Variants in NAV2 observed in about 807,000 individuals in gnomAD.
NAV2 encodes neuron navigator 2, also known as helicase, APC down-regulated 1.
NAV2 carries 54 observed loss-of-function variants against 223.2 expected under a neutral mutation model. The ratio of observed to expected loss-of-function variants is 0.24; its 90% CI spans 0.19 to 0.30. NAV2 has a LOEUF of 0.30. Ranked by LOEUF, NAV2 falls within the 10% of genes least tolerant of loss-of-function variation. The pLI is 1.00. For synonymous variants in NAV2, 1,279 were observed against 1,239.3 expected, an observed-to-expected ratio of 1.03 and a Z score of -0.67; for missense variants, 2,806 against 3,147.5, an observed-to-expected ratio of 0.89 and a Z score of 2.60.
chr11:19,615,751 A>G (rs913124483), intron 1 of NAV2, among the ~76,000 whole-genome samples: 3 of 152,208 alleles, frequency 2.0e-5, no homozygotes, highest in African/African-American at 7.2e-5. Context: ...TAATCGTAGC[A>G]GCCTCCATTT....
chr11:19,374,707 A>G (rs1057098926), intron 1 of NAV2, among the ~76,000 whole-genome samples: 20 of 152,156 alleles, frequency 1.3e-4, no homozygotes, highest in Non-Finnish European at 2.4e-4. Flanking sequence ...AGAAGCCTTT[A>G]CTGGAAATAT....
intron 1 of NAV2, among the ~76,000 whole-genome samples, chr11:19,583,412 A>G (rs1452908313): frequency 6.6e-6 from 1 of 152,108 alleles, no homozygotes; most frequent in African/African-American, 2.4e-5. Flanking sequence ...TTCCAACACT[A>G]TGTTGAATAG....
upstream of NAV2, among the ~76,000 whole-genome samples, chr11:19,348,704 G>T (rs924025037): frequency 6.6e-6 from 1 of 152,216 alleles, no homozygotes; most frequent in Non-Finnish European, 1.5e-5. Context: ...ATTATCATTT[G>T]ATCACCTATT....
At chr11:20,097,404 G>A (rs916954893) in intron 30 of NAV2, among the ~76,000 whole-genome samples, 173 bp from the exon 31 acceptor site, 1 of 151,906 alleles carries the variant, frequency 6.6e-6, no homozygotes, top group African/African-American at 2.4e-5. Context: ...TGTGGTACTC[G>A]GGCTTTATCC....
chr11:19,773,027 A>G (rs1371959562), intron 1 of NAV2, among the ~76,000 whole-genome samples: 3 of 152,208 alleles, frequency 2.0e-5, no homozygotes, highest in Non-Finnish European at 4.4e-5. Context: ...AGGTCCACTG[A>G]TGAGTAGCTC....
At position 19,933,940 on chromosome 11, in the gene NAV2, A is replaced by C; in HGVS notation, c.1696A>C (p.Lys566Gln). 1 of 1,595,224 alleles carries C rather than the reference A, an allele frequency of 6.3e-7. No individual in the cohort carries two copies. The change falls in exon 7 of 38, where the codon AAA becomes CAA. Residue 566 changes from lysine to glutamine, a missense_variant. Physicochemically the swap from Lys to Gln is moderately conservative, Grantham distance 53. Transcript: ENST00000349880. The surrounding 1 kb of genome is among the most constrained non-coding windows in gnomAD (Gnocchi z 4.3). ...GGCCCCTTCCCACAGTGGAATACCAAAACCAGGAATGAAAAGCATGCCCGG... is the reference window on the plus strand; with the variant it reads ...GGCCCCTTCCCACAGTGGAATACCACAACCAGGAATGAAAAGCATGCCCGG... ...PMAPSHSGIP[K>Q]PGMKSMPGKS...
chr11:19,671,390 C>A (rs947138406), intron 1 of NAV2, among the ~76,000 whole-genome samples: 1 of 152,146 alleles, frequency 6.6e-6, no homozygotes, highest in Non-Finnish European at 1.5e-5. Context: ...AGGAATATGT[C>A]TTGTTGATGG....
intron 1 of NAV2, among the ~76,000 whole-genome samples, chr11:19,452,621 T>A (rs1851828332): frequency 6.6e-6 from 1 of 152,258 alleles, no homozygotes; most frequent in Non-Finnish European, 1.5e-5. Context: ...CTGAATATCA[T>A]AGCTTAGCCT....
intron 1 of NAV2, among the ~76,000 whole-genome samples, chr11:19,733,527 C>T (rs536096545): frequency 5.3e-5 from 8 of 152,172 alleles, no homozygotes; most frequent in Admixed American, 2.0e-4. Flanking sequence ...CTTCACTTAC[C>T]GCACAACGGG....
At chr11:19,458,948 CCACAGCAGGGAGT>C (rs1564952711) in intron 1 of NAV2, among the ~76,000 whole-genome samples, 1 of 152,218 alleles carries the variant, frequency 6.6e-6, no homozygotes, top group Non-Finnish European at 1.5e-5. Flanking sequence ...ACAGCATGAG[CCACAGCAGGGAGT>C]CTTGAGTGTG....
At chr11:19,466,096 G>T (rs964866372) in intron 1 of NAV2, among the ~76,000 whole-genome samples, 5 of 152,210 alleles carry the variant, frequency 3.3e-5, no homozygotes, top group African/African-American at 1.2e-4. Flanking sequence ...TGATGACGAT[G>T]ATAATGTTGG....
intron 1 of NAV2, among the ~76,000 whole-genome samples, chr11:19,358,732 T>G (rs1458544741): frequency 6.6e-6 from 1 of 152,202 alleles, no homozygotes; most frequent in East Asian, 1.9e-4. Flanking sequence ...GTAAGGTTCC[T>G]TCAGACCCCC....
At chr11:20,005,287 G>A (rs189207937) in intron 11 of NAV2, among the ~76,000 whole-genome samples, 22 of 143,236 alleles carry the variant, frequency 1.5e-4, no homozygotes, top group African/African-American at 4.7e-4. Flanking sequence ...GTCTTGCTCT[G>A]TTGCCCAGGC....
intron 1 of NAV2, among the ~76,000 whole-genome samples, chr11:19,678,463 A>G (rs1292205356): frequency 2.6e-5 from 4 of 152,210 alleles, no homozygotes; most frequent in Admixed American, 2.6e-4. Flanking sequence ...GGAGGGGTCA[A>G]GAGCTTAACC....
chr11:19,612,567 G>A (rs1390312934), intron 1 of NAV2, among the ~76,000 whole-genome samples: 3 of 152,120 alleles, frequency 2.0e-5, no homozygotes, highest in South Asian at 2.1e-4. Context: ...AAAGTTCCAC[G>A]AATCTCTAGG....
chr11:19,448,720 T>C (rs1055925037), intron 1 of NAV2, among the ~76,000 whole-genome samples: 3 of 152,258 alleles, frequency 2.0e-5, no homozygotes, highest in Admixed American at 1.3e-4. Context: ...TTATGAGCAT[T>C]GAATGCAATG....
rs553978854 is a variant in NAV2, at chr11:20,066,735, A to T, written c.4885-1451A>T. 3.3e-5 allele frequency among the ~76,000 whole-genome samples: 5 copies of T among 152,334 alleles called. No individual in the cohort carries two copies. The South Asian group carries it at 1.0e-3, about 32-fold the overall frequency. Reference sequence around the variant, plus strand: ...ATGCTGACATCAGGGTCAGATGCTGATTTTTAAAAAATAATGGGCTTATGC... The same window carrying T: ...ATGCTGACATCAGGGTCAGATGCTGTTTTTTAAAAAATAATGGGCTTATGC... On this transcript the variant is annotated intron_variant, in intron 20 of 37. Transcript: ENST00000349880.
intron 1 of NAV2, among the ~76,000 whole-genome samples, chr11:19,432,966 C>T (rs1395311601): frequency 6.6e-6 from 1 of 152,164 alleles, no homozygotes; most frequent in Non-Finnish European, 1.5e-5. Context: ...GATGTTAACC[C>T]CATTCCTTTC....
At chr11:19,745,025 T>G (rs1253720252) in intron 1 of NAV2, among the ~76,000 whole-genome samples, 2 of 152,338 alleles carry the variant, frequency 1.3e-5, no homozygotes, top group East Asian at 3.9e-4. Flanking sequence ...AGTACATGCT[T>G]TTTAGATTTT....
Sources: gnomAD v4.1 joint callset for allele counts (sites outside exome capture counted in the v4.1 genomes callset) on GRCh38, gnomAD v4.1.1 for gene constraint, Gnocchi (gnomAD v3.1) non-coding constraint, MANE v1.5 for transcripts, NCBI Gene and HGNC (gene_info 2026-07-23, HGNC 2026-07-21) for gene names.